FUBP3: variants seen among roughly 807,000 people sequenced by gnomAD.
FUBP3 encodes far upstream element binding protein 3.
A neutral mutation model predicts 85.6 loss-of-function variants in FUBP3; 28 were observed. The ratio of observed to expected loss-of-function variants is 0.33; its 90% CI spans 0.24 to 0.45. FUBP3 has a LOEUF of 0.45. Among genes scored for constraint, FUBP3 ranks in the 20% least tolerant of loss-of-function variants. The pLI, the probability that FUBP3 is intolerant of heterozygous loss-of-function variation, is 1.00. For synonymous variants in FUBP3, 271 were observed against 271.4 expected (o/e 1.00, Z 0.01); for missense variants, 583 against 755.1 (o/e 0.77, Z 2.67).
intron 12 of FUBP3, among the ~76,000 whole-genome samples, chr9:130,628,255 C>T (rs1388183945): frequency 6.6e-6 from 1 of 152,248 alleles, no homozygotes; most frequent in East Asian, 1.9e-4. Context: ...GACACAGAGC[C>T]TCCCTGGCCC....
intron 1 of FUBP3, among the ~76,000 whole-genome samples, chr9:130,589,675 G>GTGTGTGTATGTATATATA (rs869282275): frequency 1.2e-4 from 4 of 34,312 alleles, no homozygotes; most frequent in African/African-American, 5.3e-4. Context: ...GTATGTGTGT[G>GTGTGTGTATGTATATATA]TATATATATA....
chr9:130,633,330 C>T (rs1830290255), intron 16 of FUBP3, among the ~76,000 whole-genome samples: 1 of 152,246 alleles, frequency 6.6e-6, no homozygotes, highest in South Asian at 2.1e-4. Flanking sequence ...CACCATCCAT[C>T]CCCTTTCCCT....
At position 130,617,788 on chromosome 9, in the gene FUBP3, T is replaced by G. The variant is rs200919787; in HGVS notation, c.568-9T>G. ...TTCATGAGGCTGTGCTGGTGTGTGT[T>G]CCCCACAGGAGCGGACAGGGGTGAA... On this transcript the variant is annotated splice_polypyrimidine_tract_variant and intron_variant, in intron 7 of 18. Coordinates refer to ENST00000319725, the MANE Select transcript of FUBP3 (RefSeq NM_003934.2). 205 of 1,536,120 alleles carry G rather than the reference T, an allele frequency of 1.3e-4. 1 individual carries two copies. In the Admixed American group the frequency reaches 3.3e-3, roughly 25 times the overall value.
At position 130,637,539 on chromosome 9, in the gene FUBP3, CTG is replaced by C. The variant is rs1830459441; in HGVS notation, c.*518_*519del. On this transcript the variant is annotated 3_prime_UTR_variant, in exon 19 of 19. Transcript: ENST00000319725. The stretch of plus-strand genomic sequence containing the variant: ...TGGTTTTATTGCATTTTTAAAAAAA[CTG>C]AACTATTATGTATTGTAATGAATGA... 1.8e-5 allele frequency: 3 copies of C among 164,382 alleles called. No individual in the cohort carries two copies. The highest frequency in any genetic ancestry group is 5.9e-5 in the Admixed American group (1 of 16,852). The allele number at this position is 164,382 out of a possible 1,614,324, so 10.2% of individuals were successfully genotyped here.
intron 12 of FUBP3, among the ~76,000 whole-genome samples, chr9:130,628,070 A>G (rs1296076716): frequency 6.6e-6 from 1 of 150,744 alleles, no homozygotes; most frequent in Non-Finnish European, 1.5e-5. Flanking sequence ...TCACACACAC[A>G]CCGCACTAAA....
chr9:130,634,404 C>A (rs116892879), intron 16 of FUBP3, among the ~76,000 whole-genome samples: 2 of 152,218 alleles, frequency 1.3e-5, no homozygotes, highest in African/African-American at 4.8e-5. Flanking sequence ...TGGCTGTGGC[C>A]GTCAAGCTTG....
At chr9:130,590,152 C>T (rs993078503) in intron 1 of FUBP3, among the ~76,000 whole-genome samples, 1 of 142,668 alleles carries the variant, frequency 7.0e-6, no homozygotes, top group African/African-American at 2.6e-5. Context: ...CTTTGTCATG[C>T]ATAGAAGGTA....
rs766517782 is a variant in FUBP3, at chr9:130,631,637, CTT to C, written c.1352+10_1352+11del. The C allele has an allele frequency of 6.2e-7, 1 of 1,603,934 alleles. No individual in the cohort carries two copies. Among genetic ancestry groups the C allele is most frequent in the East Asian group, 2.2e-5 (1 of 44,806 alleles). On this transcript the variant is annotated splice_region_variant and intron_variant, in intron 14 of 18. Transcript: ENST00000319725. The stretch of plus-strand genomic sequence containing the variant: ...CTGCCCCACCTCATCAAAAGTGAGT[CTT>C]TTGCATCAGTCTTGCCTGGGAGAAT...
At chr9:130,610,753 C>G (rs1397776369) in intron 3 of FUBP3, among the ~76,000 whole-genome samples, 2 of 152,166 alleles carry the variant, frequency 1.3e-5, no homozygotes, top group Admixed American at 1.3e-4. Context: ...ATTCTGTCAT[C>G]TTGTATTCTG....
Position 130,635,863 on chromosome 9 carries a change from C to T in FUBP3, c.1583-136C>T. Reference sequence around the variant, plus strand: ...GTAGCAAGCGCTCCTGCAACACCAGCCTCACCTCACTGCCTCCCAGACCTC... The same window carrying T: ...GTAGCAAGCGCTCCTGCAACACCAGTCTCACCTCACTGCCTCCCAGACCTC... On this transcript the variant is annotated intron_variant, in intron 17 of 18. Transcript: ENST00000319725. The surrounding 1 kb of genome is among the most constrained non-coding windows in gnomAD (Gnocchi z 4.3). The T allele has an allele frequency of 1.2e-6, 1 of 843,276 alleles. No homozygotes were observed. The highest frequency in any genetic ancestry group is 1.7e-5 in the South Asian group (1 of 60,404). The allele number at this position is 843,276 out of a possible 1,614,324, so 52.2% of individuals were successfully genotyped here.
intron 8 of FUBP3, among the ~76,000 whole-genome samples, chr9:130,618,508 A>G (rs761286054): frequency 7.2e-5 from 11 of 152,218 alleles, no homozygotes; most frequent in Admixed American, 3.3e-4. Context: ...TGGAAGCAGT[A>G]AGGGACTTGG....
At chr9:130,604,819 A>G (rs1163339003) in intron 2 of FUBP3, among the ~76,000 whole-genome samples, 4 of 151,894 alleles carry the variant, frequency 2.6e-5, no homozygotes, top group Admixed American at 1.3e-4. Context: ...AATCACTTGA[A>G]CCCAGGAGGT....
At chr9:130,614,402 G>A (rs1588144740) in intron 6 of FUBP3, 57 bp downstream of exon 6, 1 of 1,120,028 alleles carries the variant, frequency 8.9e-7, no homozygotes, top group African/African-American at 1.5e-5. Context: ...CCCAAATGGG[G>A]AGAAATGGAA....
intron 2 of FUBP3, among the ~76,000 whole-genome samples, chr9:130,604,900 CAAAA>C (rs1267671003): frequency 2.8e-5 from 2 of 71,128 alleles, no homozygotes; most frequent in East Asian, 3.8e-4. Flanking sequence ...CTGTCTCAAA[CAAAA>C]AAAAAAAAAA....
At chr9:130,597,320 G>A (rs564869658) in intron 2 of FUBP3, among the ~76,000 whole-genome samples, 8 of 152,166 alleles carry the variant, frequency 5.3e-5, no homozygotes, top group South Asian at 4.2e-4. Flanking sequence ...CTTTAACCTC[G>A]TAAAGGTTAA....
At chr9:130,606,938 A>G (rs1485753107) in intron 2 of FUBP3, among the ~76,000 whole-genome samples, 1 of 152,050 alleles carries the variant, frequency 6.6e-6, no homozygotes, top group African/African-American at 2.4e-5. Flanking sequence ...ATAGGGAAAA[A>G]TGTGTCTGAT....
Position 130,635,315 on chromosome 9 carries a change from T to C in FUBP3, c.1582+577T>C, listed in dbSNP as rs185250043. Among the ~76,000 whole-genome samples, 108 of 152,220 alleles carry C rather than the reference T, an allele frequency of 7.1e-4. No individual in the cohort carries two copies. The highest frequency in any genetic ancestry group is 2.2e-3 in the Admixed American group (33 of 15,290). On this transcript the variant is annotated intron_variant, in intron 17 of 18. Transcript: ENST00000319725. This position sits in a 1 kb window ranked among gnomAD's most constrained non-coding sequence, Gnocchi z 4.3. ...AAGGTCTCTGGGGAGTCACATAAAA[T>C]CAGGACCAGACTCTCGGGATATATC...
At chr9:130,596,428 C>G (rs181437079) in intron 2 of FUBP3, among the ~76,000 whole-genome samples, 110 of 152,040 alleles carry the variant, frequency 7.2e-4, no homozygotes, top group African/African-American at 2.5e-3. Context: ...ATTATATAAT[C>G]TTTTCTCCCA....
intron 8 of FUBP3, among the ~76,000 whole-genome samples, chr9:130,618,684 G>A (rs1339785890): frequency 6.6e-6 from 1 of 152,192 alleles, no homozygotes; most frequent in African/African-American, 2.4e-5. Flanking sequence ...GTAGCTCCGG[G>A]GTGATGCTCC....
Sources: allele counts gnomAD v4.1 joint callset (sites outside exome capture counted in the v4.1 genomes callset), GRCh38; gene constraint gnomAD v4.1.1; non-coding constraint Gnocchi (gnomAD v3.1); transcripts MANE v1.5; gene names NCBI Gene and HGNC (gene_info 2026-07-23, HGNC 2026-07-21).